LRRC36: variants seen among roughly 807,000 people sequenced by gnomAD.
LRRC36 encodes leucine rich repeat containing 36.
Under a neutral mutation model 81.1 loss-of-function variants are expected in LRRC36, and 62 were observed. The ratio of observed to expected loss-of-function variants is 0.76; its 90% confidence interval spans 0.62 to 0.94. LRRC36 has a LOEUF of 0.94. Ranked by LOEUF, LRRC36 falls within the 40% of genes least tolerant of loss-of-function variation. The pLI, the probability that LRRC36 is intolerant of heterozygous loss-of-function variation, is 0.00. For missense variants in LRRC36, 761 were observed against 881.7 expected (o/e 0.86, Z 1.73); for synonymous variants, 334 against 348.6 (o/e 0.96, Z 0.47).
intron 5 of LRRC36, among the ~76,000 whole-genome samples, chr16:67,360,646 G>A (rs934240928): frequency 1.8e-4 from 28 of 152,224 alleles, no homozygotes; most frequent in Non-Finnish European, 2.5e-4. Context: ...CCAGTGGTTG[G>A]AAGAGCATCT....
intron 12 of LRRC36, among the ~76,000 whole-genome samples, chr16:67,381,050 C>T (rs767351203): frequency 2.6e-5 from 4 of 151,838 alleles, no homozygotes; most frequent in Non-Finnish European, 5.9e-5. Flanking sequence ...ATGGTGAAAC[C>T]CCATCTCTAC....
chr16:67,349,490 T>C (rs1419802248), intron 4 of LRRC36, among the ~76,000 whole-genome samples: 2 of 152,178 alleles, frequency 1.3e-5, no homozygotes, highest in Non-Finnish European at 2.9e-5. Flanking sequence ...TTGTCTGCTT[T>C]TCTAAATAAT....
intron 12 of LRRC36, among the ~76,000 whole-genome samples, chr16:67,380,206 A>G (rs950208912): frequency 6.6e-6 from 1 of 152,118 alleles, no homozygotes; most frequent in African/African-American, 2.4e-5. Flanking sequence ...ATTTCAGACT[A>G]TTTTCCTAGG....
intron 4 of LRRC36, among the ~76,000 whole-genome samples, chr16:67,348,990 T>A (rs2038488582): frequency 6.6e-6 from 1 of 152,168 alleles, no homozygotes; most frequent in African/African-American, 2.4e-5. Context: ...TAGTTTCCTA[T>A]TTTTTAAAAT....
At chr16:67,331,257 T>C (rs182292516) in intron 1 of LRRC36, among the ~76,000 whole-genome samples, 1 of 152,286 alleles carries the variant, frequency 6.6e-6, no homozygotes, top group African/African-American at 2.4e-5. Context: ...CGTTTCAACA[T>C]GAAAGCTGGG....
intron 5 of LRRC36, among the ~76,000 whole-genome samples, chr16:67,351,965 C>CT (rs1487528550): frequency 6.6e-6 from 1 of 152,066 alleles, no homozygotes; most frequent in East Asian, 1.9e-4. Context: ...ACAGCCTAGT[C>CT]TTTTTTCTAG....
At chr16:67,378,148 GAA>G (rs563525679) in intron 11 of LRRC36, among the ~76,000 whole-genome samples, 283 of 150,972 alleles carry the variant, frequency 1.9e-3, no homozygotes, top group Non-Finnish European at 2.6e-3. Context: ...ATTCTAGTGA[GAA>G]AGAGATGCTG....
rs1444500610 is a variant in LRRC36, at chr16:67,375,399, C to T, written c.1647C>T (p.Asn549=). The T allele has an allele frequency of 6.3e-7, 1 of 1,582,060 alleles. No homozygotes were observed. The highest frequency in any genetic ancestry group is 8.5e-7 in the Non-Finnish European group (1 of 1,170,856). ...ATGGCTCCGGCTCCCTCCTCCTCAA[C>T]AAGAAGTTTCTCGGTGAGTGAATGC... ...HWNGSGSLLL[N]KKFLGPARDL... The change falls in exon 10 of 14, where the codon AAC becomes AAT. Residue 549 remains asparagine (N), a synonymous_variant. Transcript: ENST00000329956.
At position 67,378,622 on chromosome 16, in the gene LRRC36, G is replaced by A; in HGVS notation, c.1840G>A (p.Glu614Lys). Reference protein sequence around the residue: ...SLKQKLVRVLEENLILSEKIQ... With the variant: ...SLKQKLVRVLKENLILSEKIQ... ...GAAGCAAAAACTGGTCAGAGTGCTGGAGGAAAACCTCATTTTGTCAGAAAA... is the reference window on the plus strand; with the variant it reads ...GAAGCAAAAACTGGTCAGAGTGCTGAAGGAAAACCTCATTTTGTCAGAAAA... Residue 614 changes from glutamate to lysine, a missense_variant, in exon 12 of 14, where the codon GAG becomes AAG. Transcript: ENST00000329956. 6.2e-7 allele frequency: 1 copy of A among 1,614,114 alleles called. No homozygotes were observed. Among genetic ancestry groups the A allele is most frequent in the Non-Finnish European group, 8.5e-7 (1 of 1,179,970 alleles).
At chr16:67,338,293 A>G (rs1263807238) in intron 1 of LRRC36, among the ~76,000 whole-genome samples, 1 of 152,176 alleles carries the variant, frequency 6.6e-6, no homozygotes, top group Admixed American at 6.5e-5. Flanking sequence ...TGAGGAAAGT[A>G]TCACTGATTT....
In LRRC36 at chr16:67,365,372, C is replaced by T. The variant is rs553319603; in HGVS notation, c.754+17C>T. On this transcript the variant is annotated intron_variant, in intron 7 of 13. Coordinates refer to ENST00000329956, the MANE Select transcript of LRRC36 (RefSeq NM_018296.6). Reference sequence around the variant, plus strand: ...AGGAAGATGGTAAATATTTTGCTCACTGAGTATTTTTCCCCCACACTAATC... The same window carrying T: ...AGGAAGATGGTAAATATTTTGCTCATTGAGTATTTTTCCCCCACACTAATC... 199 of 1,610,394 alleles carry T rather than the reference C, an allele frequency of 1.2e-4. 1 individual carries two copies. The South Asian group carries it at 1.8e-3, about 15-fold the overall frequency.
In LRRC36 at chr16:67,371,063, G is replaced by C; in HGVS notation, c.1315G>C (p.Val439Leu). 2 of 1,614,182 alleles carry C rather than the reference G, an allele frequency of 1.2e-6. No individual in the cohort carries two copies. The change falls in exon 9 of 14, where the codon GTC becomes CTC. Residue 439 changes from valine to leucine, a missense_variant. This residue lies in a region of LRRC36 where 359 missense variants were observed against 388.4 expected (regional missense o/e 0.92). Transcript: ENST00000329956. ...ACATGGTTCTGTCCCAAACAACGCT[G>C]TCCTGGGAAACAGGACAACTCCTCT... is the stretch of plus-strand genomic sequence containing the variant. ...PAHGSVPNNA[V>L]LGNRTTPLRT...
intron 10 of LRRC36, 116 bp downstream of exon 10, chr16:67,375,528 A>C: frequency 1.4e-6 from 1 of 728,520 alleles, no homozygotes; most frequent in Non-Finnish European, 2.1e-6. Flanking sequence ...TCATGATCAC[A>C]TCCTGAAACA....
rs1349181186 is a variant in LRRC36, at chr16:67,367,225, C to T, written c.963C>T (p.Pro321=). The change falls in exon 8 of 14, where the codon CCC becomes CCT. Residue 321 remains proline, a synonymous_variant. Coordinates refer to ENST00000329956, the MANE Select transcript of LRRC36 (RefSeq NM_018296.6). ...TGGGTGATTCTAGCCAGATCCATCC[C>T]TATCAGTTACCTTCAGATGTTGGTC... ...LDVGDSSQIH[P]YQLPSDVGLE... 1 of 1,614,194 alleles carries T rather than the reference C, an allele frequency of 6.2e-7. No homozygotes were observed. Among genetic ancestry groups the T allele is most frequent in the Non-Finnish European group, 8.5e-7 (1 of 1,180,016 alleles).
At chr16:67,382,294 C>G (rs778253386) in intron 13 of LRRC36, 47 bp downstream of exon 13, 1 of 1,287,666 alleles carries the variant, frequency 7.8e-7, no homozygotes, top group Non-Finnish European at 1.1e-6. Context: ...GATATTTACT[C>G]CTTTTATCTC....
In LRRC36 at chr16:67,382,437, A is replaced by G. The variant is rs748409831; in HGVS notation, c.2045+190A>G. 2.6e-5 allele frequency among the ~76,000 whole-genome samples: 4 copies of G among 152,204 alleles called. No homozygotes were observed. In the South Asian group the frequency reaches 6.2e-4, roughly 24 times the overall value. On this transcript the variant is annotated intron_variant, in intron 13 of 13. Transcript: ENST00000329956. Reference sequence around the variant, plus strand: ...TGCTTCCCAGGACACATCAGGGACTAATCGTCTTTGTTGGCATTGGTGGGT... The same window carrying G: ...TGCTTCCCAGGACACATCAGGGACTGATCGTCTTTGTTGGCATTGGTGGGT...
intron 5 of LRRC36, among the ~76,000 whole-genome samples, chr16:67,356,641 T>G (rs977076858): frequency 2.5e-4 from 38 of 152,302 alleles, no homozygotes; most frequent in African/African-American, 8.7e-4. Context: ...GAAAGATTTA[T>G]TGCAGCTAAT....
intron 8 of LRRC36, among the ~76,000 whole-genome samples, chr16:67,370,604 C>A (rs145885336): frequency 1.9e-4 from 28 of 148,944 alleles, no homozygotes; most frequent in African/African-American, 7.0e-4. Flanking sequence ...CTGCACTCCA[C>A]CCTGGGCAAT....
chr16:67,366,036 T>G (rs1392242691), intron 7 of LRRC36, among the ~76,000 whole-genome samples: 1 of 152,222 alleles, frequency 6.6e-6, no homozygotes, highest in African/African-American at 2.4e-5. Context: ...CTTTCAGCTT[T>G]TCTTTGTGTG....
Sources: gnomAD v4.1 joint callset for allele counts (sites outside exome capture counted in the v4.1 genomes callset) on GRCh38, gnomAD v4.1.1 for gene constraint, gnomAD v4.1.1 regional missense constraint, MANE v1.5 for transcripts, NCBI Gene and HGNC (gene_info 2026-07-23, HGNC 2026-07-21) for gene names.